Variants in SLC25A13 observed in about 807,000 individuals in gnomAD.
SLC25A13 encodes the protein solute carrier family 25 member 13.
A neutral mutation model predicts 85.5 loss-of-function variants in SLC25A13; 70 were observed. The ratio of observed to expected loss-of-function variants is 0.82; its 90% confidence interval spans 0.68 to 1.00. The LOEUF is 1.00. Among genes scored for constraint, SLC25A13 ranks in the 50% least tolerant of loss-of-function variants. SLC25A13 has a pLI of 0.00. For missense variants in SLC25A13, 765 were observed against 819.8 expected, an observed-to-expected ratio of 0.93 and a Z score of 0.82; for synonymous variants, 259 against 288.7, an observed-to-expected ratio of 0.90 and a Z score of 1.04.
intron 4 of SLC25A13, 52 bp from the exon 5 acceptor site, chr7:96,209,029 T>C: frequency 4.4e-6 from 7 of 1,577,226 alleles, no homozygotes; most frequent in Non-Finnish European, 6.1e-6. Context: ...AAGTTCTTTC[T>C]GATAAAATCT....
chr7:96,269,144 T>C (rs1326815242), intron 3 of SLC25A13, among the ~76,000 whole-genome samples: 4 of 152,074 alleles, frequency 2.6e-5, no homozygotes, highest in Non-Finnish European at 5.9e-5. Flanking sequence ...TTATCCTCAA[T>C]ATACACAACT....
chr7:96,184,146 G>T, intron 11 of SLC25A13, 131 bp downstream of exon 11: 1 of 1,152,918 alleles, frequency 8.7e-7, no homozygotes, highest in Non-Finnish European at 1.3e-6. Context: ...ACTCCCATTA[G>T]CATGGATAAT....
chr7:96,288,564 C>T (rs1007561372), intron 2 of SLC25A13, among the ~76,000 whole-genome samples: 3 of 152,320 alleles, frequency 2.0e-5, no homozygotes, highest in African/African-American at 4.8e-5. Context: ...TCGGGTCACT[C>T]CCACCCTAAT....
chr7:96,299,036 TA>T (rs1799456439), intron 1 of SLC25A13, among the ~76,000 whole-genome samples: 1 of 152,212 alleles, frequency 6.6e-6, no homozygotes, highest in Admixed American at 6.5e-5. Flanking sequence ...AAGCATATGG[TA>T]CCCTAAGTTC....
intron 2 of SLC25A13, among the ~76,000 whole-genome samples, chr7:96,277,704 A>C (rs2116940746): frequency 6.6e-6 from 1 of 152,262 alleles, no homozygotes; most frequent in South Asian, 2.1e-4. Flanking sequence ...CTCCAGCCCA[A>C]AGTGTGGGCA....
rs559626217 is a variant in SLC25A13 at position 96,165,336 on chromosome 7, C to G, written c.1311+4709G>C. On this transcript the variant is annotated intron_variant, in intron 13 of 17. Transcript: ENST00000265631. ...GGGTTAACATTTTTAAACTAAGTATCATGTATAAGTTTAAATCATAAGACT... is the reference window on the plus strand; with the variant it reads ...GGGTTAACATTTTTAAACTAAGTATGATGTATAAGTTTAAATCATAAGACT... Among the ~76,000 whole-genome samples the G allele has an allele frequency of 6.6e-5, 10 of 152,202 alleles. No homozygotes were observed. In the South Asian group the frequency reaches 1.9e-3, roughly 28 times the overall value.
chr7:96,204,833 G>C (rs1216133745), intron 5 of SLC25A13, among the ~76,000 whole-genome samples: 2 of 152,138 alleles, frequency 1.3e-5, no homozygotes, highest in Admixed American at 1.3e-4. Flanking sequence ...GCAAATATTT[G>C]CTGAATTGGA....
chr7:96,253,318 G>C (rs1172987093), intron 3 of SLC25A13, among the ~76,000 whole-genome samples: 1 of 152,142 alleles, frequency 6.6e-6, no homozygotes, highest in Non-Finnish European at 1.5e-5. Context: ...GAAGGAATGA[G>C]AGGAGAGAGG....
intron 3 of SLC25A13, among the ~76,000 whole-genome samples, chr7:96,242,545 A>G (rs1488858221): frequency 1.3e-5 from 2 of 152,180 alleles, no homozygotes; most frequent in Non-Finnish European, 2.9e-5. Flanking sequence ...ATGTCTCATT[A>G]TATCTTAAGT....
At chr7:96,138,900 C>T (rs903616100) in intron 14 of SLC25A13, among the ~76,000 whole-genome samples, 5 of 152,142 alleles carry the variant, frequency 3.3e-5, no homozygotes, top group African/African-American at 1.2e-4. Context: ...CAAGCCATCT[C>T]CTTTTAATTT....
chr7:96,209,403 T>C (rs926524885), intron 4 of SLC25A13, among the ~76,000 whole-genome samples: 2 of 144,356 alleles, frequency 1.4e-5, no homozygotes, highest in East Asian at 2.1e-4. Flanking sequence ...GCGTTACATA[T>C]AGCCTTTAAC....
chr7:96,125,599 T>C (rs563151757), intron 15 of SLC25A13, among the ~76,000 whole-genome samples: 4 of 152,344 alleles, frequency 2.6e-5, no homozygotes, highest in African/African-American at 7.2e-5. Context: ...CAATCTTCTA[T>C]TGATTCATTT....
chr7:96,289,306 G>GA (rs549143854), intron 2 of SLC25A13, among the ~76,000 whole-genome samples: 1 of 152,126 alleles, frequency 6.6e-6, no homozygotes, highest in African/African-American at 2.4e-5. Flanking sequence ...AAAGATGGGG[G>GA]AAAAAACAGA....
intron 1 of SLC25A13, among the ~76,000 whole-genome samples, chr7:96,302,951 C>G (rs1450383172): frequency 6.6e-6 from 1 of 152,134 alleles, no homozygotes; most frequent in Non-Finnish European, 1.5e-5. Flanking sequence ...TTTTAATGTA[C>G]GGATTATAAG....
At chr7:96,171,821 C>A (rs547124508) in intron 11 of SLC25A13, among the ~76,000 whole-genome samples, 195 of 152,270 alleles carry the variant, frequency 1.3e-3, no homozygotes, top group Non-Finnish European at 2.1e-3. Flanking sequence ...TTCCCTTCTG[C>A]CTTCTAAATC....
chr7:96,199,844 A>G (rs759683017), intron 5 of SLC25A13, among the ~76,000 whole-genome samples: 7 of 152,158 alleles, frequency 4.6e-5, no homozygotes, highest in African/African-American at 9.7e-5. Flanking sequence ...CTTTAGGTCT[A>G]ACATTCGTGC....
chr7:96,278,023 A>C (rs1333623102), intron 2 of SLC25A13, among the ~76,000 whole-genome samples: 1 of 152,166 alleles, frequency 6.6e-6, no homozygotes, highest in Non-Finnish European at 1.5e-5. Context: ...ACCATGCAGA[A>C]ATGCTCAGTA....
rs765424417 is a variant in SLC25A13 at position 96,277,345 on chromosome 7, A to G, written c.70-7T>C. On this transcript the variant is annotated splice_region_variant and splice_polypyrimidine_tract_variant and intron_variant, in intron 2 of 17. Coordinates refer to ENST00000265631, the MANE Select transcript of SLC25A13 (RefSeq NM_014251.3). ...TTTTCTCAATGCTTGCATACTGTTT[A>G]AAAAAAAGAAAAACAGTATTTTATA... is the stretch of plus-strand genomic sequence containing the variant. The G allele has an allele frequency of 5.6e-6, 9 of 1,603,948 alleles. No individual in the cohort carries two copies. Among genetic ancestry groups the G allele is most frequent in the Non-Finnish European group, 7.7e-6 (9 of 1,173,610 alleles).
chr7:96,283,655 A>G (rs1798769756), intron 2 of SLC25A13: 2 of 290,302 alleles, frequency 6.9e-6, no homozygotes. Flanking sequence ...GCACTCTAAG[A>G]GCTGAGATAG....
Sources: allele counts gnomAD v4.1 joint callset (sites outside exome capture counted in the v4.1 genomes callset), GRCh38; gene constraint gnomAD v4.1.1; transcripts MANE v1.5; gene names NCBI Gene and HGNC (gene_info 2026-07-23, HGNC 2026-07-21).